Variants in MAPK10 observed in about 807,000 individuals in gnomAD.
MAPK10 encodes the protein JNK3 alpha protein kinase.
A neutral mutation model predicts 59.3 loss-of-function variants in MAPK10; 25 were observed. The observed-to-expected ratio is 0.42, with a 90% CI of 0.31 to 0.59. The LOEUF is 0.59. Ranked by LOEUF, MAPK10 falls within the 20% of genes least tolerant of loss-of-function variation. The pLI, the probability that MAPK10 is intolerant of heterozygous loss-of-function variation, is 0.15. For missense variants in MAPK10, 351 were observed against 568.9 expected (o/e 0.62, Z 3.90); for synonymous variants, 190 against 200.5 (o/e 0.95, Z 0.44).
chr4:86,378,271 T>C (rs1199596605), intron 1 of MAPK10, among the ~76,000 whole-genome samples: 3 of 152,172 alleles, frequency 2.0e-5, no homozygotes, highest in Non-Finnish European at 2.9e-5. Flanking sequence ...TCTTTGTAGT[T>C]TCTCAGACAA....
At chr4:86,480,872 T>G (rs1394525911) in intron 1 of MAPK10, among the ~76,000 whole-genome samples, 1 of 152,198 alleles carries the variant, frequency 6.6e-6, no homozygotes, top group Non-Finnish European at 1.5e-5. Context: ...AACTGTCAAT[T>G]GTTATGCTTA....
At chr4:86,438,220 T>G (rs1350699878) in intron 1 of MAPK10, among the ~76,000 whole-genome samples, 2 of 152,228 alleles carry the variant, frequency 1.3e-5, no homozygotes, top group African/African-American at 4.8e-5. Flanking sequence ...ACATTTAGTA[T>G]GTCTTTCTTT....
intron 2 of MAPK10, among the ~76,000 whole-genome samples, chr4:86,315,636 TA>T (rs2095767203): frequency 6.6e-6 from 1 of 152,096 alleles, no homozygotes; most frequent in African/African-American, 2.4e-5. Flanking sequence ...ACTTATGATG[TA>T]GTATATTGTC....
At chr4:86,040,299 T>C (rs1486716233) in intron 11 of MAPK10, among the ~76,000 whole-genome samples, 1 of 152,028 alleles carries the variant, frequency 6.6e-6, no homozygotes, top group East Asian at 1.9e-4. Context: ...AAAACAAATT[T>C]AATAGAGAGA....
At chr4:86,299,154 TA>T (rs780682926) in intron 2 of MAPK10, among the ~76,000 whole-genome samples, 6 of 152,202 alleles carry the variant, frequency 3.9e-5, no homozygotes, top group East Asian at 1.9e-4. Flanking sequence ...ATAAAAGCAG[TA>T]AAAAAAGCCT....
intron 1 of MAPK10, among the ~76,000 whole-genome samples, chr4:86,380,728 G>A (rs954650803): frequency 2.6e-5 from 4 of 152,082 alleles, no homozygotes; most frequent in African/African-American, 9.7e-5. Flanking sequence ...CTTTTATAGT[G>A]AAAGTGAAGA....
chr4:86,199,132 G>A (rs1409004146), intron 2 of MAPK10, among the ~76,000 whole-genome samples: 1 of 152,000 alleles, frequency 6.6e-6, no homozygotes, highest in East Asian at 1.9e-4. Flanking sequence ...CCATTATTTA[G>A]TAAACTTGTG....
intron 2 of MAPK10, 67 bp downstream of exon 2, chr4:86,354,463 A>C (rs1031961814): frequency 3.4e-6 from 2 of 596,332 alleles, no homozygotes; most frequent in Admixed American, 4.4e-5. Flanking sequence ...AACCATATGC[A>C]ATATTTAAAT....
chr4:86,368,312 T>C (rs2148991057), intron 1 of MAPK10, among the ~76,000 whole-genome samples: 2 of 152,330 alleles, frequency 1.3e-5, no homozygotes, highest in Middle Eastern at 3.4e-3. Flanking sequence ...ATTATTAATA[T>C]CTTGCACTCA....
intron 1 of MAPK10, among the ~76,000 whole-genome samples, chr4:86,471,357 A>G (rs1752651749): frequency 6.6e-6 from 1 of 151,986 alleles, no homozygotes. Context: ...AGAAATTATC[A>G]TTAAGGAAAA....
intron 3 of MAPK10, chr4:86,193,946 G>C (rs559027864): frequency 5.1e-6 from 1 of 197,600 alleles, no homozygotes; most frequent in South Asian, 1.0e-4. Flanking sequence ...ATCTGCGCCA[G>C]AGTGCACCAT....
At chr4:86,444,752 G>A (rs1388042250) in intron 1 of MAPK10, among the ~76,000 whole-genome samples, 1 of 150,804 alleles carries the variant, frequency 6.6e-6, no homozygotes, top group Non-Finnish European at 1.5e-5. Flanking sequence ...CAAAAAGTGG[G>A]CAAAGGACAT....
At chr4:86,177,121 A>G (rs979602576) in intron 3 of MAPK10, among the ~76,000 whole-genome samples, 17 of 152,088 alleles carry the variant, frequency 1.1e-4, no homozygotes, top group African/African-American at 4.1e-4. Context: ...ATATCTCAAA[A>G]CCACAGCCAT....
chr4:86,293,020 A>G (rs1052122329), intron 2 of MAPK10, among the ~76,000 whole-genome samples: 18 of 152,272 alleles, frequency 1.2e-4, no homozygotes, highest in African/African-American at 4.3e-4. Flanking sequence ...TCTAACCTAA[A>G]TGTTTTTCTC....
intron 1 of MAPK10, among the ~76,000 whole-genome samples, chr4:86,484,494 T>C (rs1444435959): frequency 6.6e-6 from 1 of 152,180 alleles, no homozygotes; most frequent in Admixed American, 6.5e-5. Flanking sequence ...AATTCCTTGA[T>C]ACTTTACTTG....
chr4:86,087,185 T>C (rs1243278932), intron 9 of MAPK10, among the ~76,000 whole-genome samples: 3 of 152,214 alleles, frequency 2.0e-5, no homozygotes, highest in Non-Finnish European at 4.4e-5. Flanking sequence ...TAGAAATCTG[T>C]TTTAATTTTT....
At chr4:86,158,629 G>A (rs2068575486) in intron 4 of MAPK10, among the ~76,000 whole-genome samples, 1 of 151,742 alleles carries the variant, frequency 6.6e-6, no homozygotes, top group Non-Finnish European at 1.5e-5. Flanking sequence ...AATACATTTG[G>A]TTGTGACATT....
At chr4:86,057,218 C>T (rs1303160599) in intron 11 of MAPK10, among the ~76,000 whole-genome samples, 1 of 149,736 alleles carries the variant, frequency 6.7e-6, no homozygotes, top group Non-Finnish European at 1.5e-5. Context: ...GCTGGGATTA[C>T]AGGTGTGAGC....
intron 9 of MAPK10, among the ~76,000 whole-genome samples, chr4:86,093,320 T>C (rs2053596865): frequency 6.6e-6 from 1 of 151,988 alleles, no homozygotes; most frequent in Admixed American, 6.6e-5. Context: ...TTTCATTTAG[T>C]GTAGAATTTA....
Sources: allele counts gnomAD v4.1 joint callset (sites outside exome capture counted in the v4.1 genomes callset), GRCh38; gene constraint gnomAD v4.1.1; transcripts MANE v1.5; gene names NCBI Gene and HGNC (gene_info 2026-07-23, HGNC 2026-07-21).